Variants in MGAT4C observed in about 807,000 individuals in gnomAD.
The protein encoded by MGAT4C is MGAT4 family member C, also known as alpha-1,3-mannosyl-glycoprotein 4-beta-N-acetylglucosaminyltransferase C.
A neutral mutation model predicts 40.1 loss-of-function variants in MGAT4C; 19 were observed. The ratio of observed to expected loss-of-function variants is 0.47; its 90% confidence interval spans 0.33 to 0.70. MGAT4C has a LOEUF of 0.70. Ranked by LOEUF, MGAT4C falls within the 30% of genes least tolerant of loss-of-function variation. The pLI, the probability that MGAT4C is intolerant of heterozygous loss-of-function variation, is 0.02. For synonymous variants in MGAT4C, 181 were observed against 187.1 expected (o/e 0.97, Z 0.27); for missense variants, 491 against 563.2 (o/e 0.87, Z 1.30).
rs1473082715 is a variant in MGAT4C at position 85,962,289 on chromosome 12, C to G, written c.*17000G>C. ...CCCAACATATCTTTCGTTTTGAGATCTGCAGAACAAAGTCAATGTCTGAAT... is the reference window on the plus strand; with the variant it reads ...CCCAACATATCTTTCGTTTTGAGATGTGCAGAACAAAGTCAATGTCTGAAT... On this transcript the variant is annotated 3_prime_UTR_variant, in exon 5 of 5. Coordinates refer to ENST00000611864, the MANE Select transcript of MGAT4C (RefSeq NM_001351288.2). The G allele has an allele frequency of 6.6e-6, 1 of 151,364 alleles. No homozygotes were observed. Among genetic ancestry groups the G allele is most frequent in the African/African-American group, 2.4e-5 (1 of 41,320 alleles). The allele number at this position is 151,364 out of a possible 1,614,324, so 9.4% of individuals were successfully genotyped here. A position where few individuals can be genotyped will look rare whatever the true frequency, so the allele number is the denominator to read the frequency against.
intron 2 of MGAT4C, among the ~76,000 whole-genome samples, chr12:86,688,065 T>C (rs1950104921): frequency 6.6e-6 from 1 of 152,108 alleles, no homozygotes; most frequent in Non-Finnish European, 1.5e-5. Flanking sequence ...TCTTTTTGCA[T>C]TGATCCCTTT....
intron 3 of MGAT4C, among the ~76,000 whole-genome samples, chr12:86,431,578 T>C (rs1423709763): frequency 6.6e-6 from 1 of 152,136 alleles, no homozygotes; most frequent in Non-Finnish European, 1.5e-5. Flanking sequence ...CTTAACATAC[T>C]GAACCAACTG....
At chr12:85,984,098 A>G (rs985202509) in intron 3 of MGAT4C, among the ~76,000 whole-genome samples, 1 of 152,180 alleles carries the variant, frequency 6.6e-6, no homozygotes, top group Non-Finnish European at 1.5e-5. Flanking sequence ...CTCTTCCTCA[A>G]GCAGTCTCAA....
intron 3 of MGAT4C, among the ~76,000 whole-genome samples, chr12:86,357,485 G>T (rs1566317574): frequency 6.6e-6 from 1 of 152,172 alleles, no homozygotes; most frequent in Admixed American, 6.5e-5. Context: ...ACTTTGACAA[G>T]TTGAGAGAAG....
intron 2 of MGAT4C, among the ~76,000 whole-genome samples, chr12:86,490,560 T>C (rs1167206698): frequency 6.6e-6 from 1 of 151,390 alleles, no homozygotes; most frequent in Non-Finnish European, 1.5e-5. Flanking sequence ...CAGGATCAAA[T>C]TCACACATAA....
chr12:86,450,480 C>G (rs1481221409), intron 2 of MGAT4C, among the ~76,000 whole-genome samples: 1 of 152,012 alleles, frequency 6.6e-6, no homozygotes, highest in Non-Finnish European at 1.5e-5. Flanking sequence ...TTTTAATCTC[C>G]TAAGAGTGAA....
At chr12:86,316,142 A>C (rs1486606945) in intron 4 of MGAT4C, among the ~76,000 whole-genome samples, 1 of 145,616 alleles carries the variant, frequency 6.9e-6, no homozygotes, top group Non-Finnish European at 1.5e-5. Flanking sequence ...TCATCACAGA[A>C]ATGCAAAACA....
intron 1 of MGAT4C, among the ~76,000 whole-genome samples, chr12:86,163,869 C>T (rs548442265): frequency 6.6e-6 from 1 of 152,234 alleles, no homozygotes; most frequent in East Asian, 1.9e-4. Context: ...CTTAATTCAT[C>T]ATAACCCTTT....
intron 2 of MGAT4C, among the ~76,000 whole-genome samples, chr12:86,028,998 T>C (rs1890493143): frequency 6.6e-6 from 1 of 151,980 alleles, no homozygotes; most frequent in South Asian, 2.1e-4. Flanking sequence ...ACAGTATTTA[T>C]TATCGAGATG....
intron 3 of MGAT4C, among the ~76,000 whole-genome samples, chr12:86,338,982 ACAGAG>A (rs1467685012): frequency 8.5e-4 from 125 of 146,800 alleles, no homozygotes; most frequent in African/African-American, 2.9e-3. Flanking sequence ...AAAAAAAAAA[ACAGAG>A]AGAAAGAGAG....
At chr12:86,530,285 T>C (rs1040034333) in intron 2 of MGAT4C, among the ~76,000 whole-genome samples, 17 of 151,960 alleles carry the variant, frequency 1.1e-4, no homozygotes, top group African/African-American at 3.4e-4. Flanking sequence ...TCCAGACTTC[T>C]ATATATTTGA....
At chr12:86,601,493 TC>T in intron 2 of MGAT4C, among the ~76,000 whole-genome samples, 1 of 152,116 alleles carries the variant, frequency 6.6e-6, no homozygotes, top group Admixed American at 6.5e-5. Context: ...GTTACCTGTG[TC>T]CGGTCTCATC....
chr12:86,771,718 G>GTT (rs989971064), intron 1 of MGAT4C, among the ~76,000 whole-genome samples: 15 of 147,052 alleles, frequency 1.0e-4, no homozygotes, highest in African/African-American at 3.1e-4. Flanking sequence ...GTGTGTGTGT[G>GTT]TGTGTATGTG....
chr12:86,724,093 T>C (rs980905219), intron 2 of MGAT4C, among the ~76,000 whole-genome samples: 2 of 152,094 alleles, frequency 1.3e-5, no homozygotes, highest in Non-Finnish European at 2.9e-5. Context: ...CAAACCTGTA[T>C]AAAAAAACAT....
At chr12:86,396,906 C>CT (rs1247689250) in intron 3 of MGAT4C, among the ~76,000 whole-genome samples, 1 of 151,406 alleles carries the variant, frequency 6.6e-6, no homozygotes. Context: ...TTCTGCTAGT[C>CT]TTCCTTCTTC....
intron 1 of MGAT4C, among the ~76,000 whole-genome samples, chr12:86,242,907 G>A (rs948698442): frequency 6.6e-6 from 1 of 152,100 alleles, no homozygotes. Context: ...GCTACTAACA[G>A]AGCCCAGGAA....
intron 1 of MGAT4C, among the ~76,000 whole-genome samples, chr12:86,150,070 G>A (rs1343058812): frequency 6.6e-6 from 1 of 152,156 alleles, no homozygotes; most frequent in Non-Finnish European, 1.5e-5. Flanking sequence ...ATGGTTTCAG[G>A]ATGAAACTGT....
At chr12:86,617,394 G>T (rs1962485716) in intron 2 of MGAT4C, among the ~76,000 whole-genome samples, 1 of 152,148 alleles carries the variant, frequency 6.6e-6, no homozygotes, top group South Asian at 2.1e-4. Context: ...TTAATATGCA[G>T]AAGAATGAAA....
At chr12:86,648,664 C>T (rs1198927636) in intron 2 of MGAT4C, among the ~76,000 whole-genome samples, 1 of 151,898 alleles carries the variant, frequency 6.6e-6, no homozygotes, top group African/African-American at 2.4e-5. Context: ...TCTTGAACGT[C>T]CCGGACTCCT....
Sources: gnomAD v4.1 joint callset for allele counts (sites outside exome capture counted in the v4.1 genomes callset) on GRCh38, gnomAD v4.1.1 for gene constraint, MANE v1.5 for transcripts, NCBI Gene and HGNC (gene_info 2026-07-23, HGNC 2026-07-21) for gene names.